The following MYO5C variants were observed in gnomAD, a reference collection of about 807,000 sequenced individuals.
MYO5C encodes the protein myosin VC, also known as unconventional myosin-Vc.
In MYO5C, 194 loss-of-function variants were observed where a neutral mutation model predicts 235.7. That is an observed-to-expected ratio of 0.82 (90% CI 0.73 to 0.93). The LOEUF (loss-of-function observed/expected upper bound fraction) is 0.93. Ranked by LOEUF, MYO5C falls within the 40% of genes least tolerant of loss-of-function variation. The pLI is 0.00. For synonymous variants in MYO5C, 707 were observed against 754.8 expected, an observed-to-expected ratio of 0.94 and a Z score of 1.04; for missense variants, 2,038 against 2,127.2, an observed-to-expected ratio of 0.96 and a Z score of 0.82.
At chr15:52,196,540 T>A in intron 38 of MYO5C, 57 bp from the exon 39 acceptor site, 1 of 1,541,066 alleles carries the variant, frequency 6.5e-7, no homozygotes, top group South Asian at 1.2e-5. Flanking sequence ...CAGATACTCC[T>A]GTGTGTCCCG....
intron 1 of MYO5C, among the ~76,000 whole-genome samples, chr15:52,286,224 G>GT (rs2037266231): frequency 6.6e-6 from 1 of 151,074 alleles, no homozygotes; most frequent in Non-Finnish European, 1.5e-5. Flanking sequence ...AGGGAGGTGG[G>GT]GGGTCAGCCC....
intron 13 of MYO5C, among the ~76,000 whole-genome samples, 197 bp from the exon 14 acceptor site, chr15:52,248,980 C>T (rs1254393002): frequency 6.6e-6 from 1 of 152,210 alleles, no homozygotes; most frequent in African/African-American, 2.4e-5. Context: ...CTCCCACCAC[C>T]TGGGTTTCTC....
chr15:52,214,967 T>C (rs373011854), intron 32 of MYO5C, among the ~76,000 whole-genome samples: 10 of 152,266 alleles, frequency 6.6e-5, no homozygotes, highest in African/African-American at 1.9e-4. Flanking sequence ...TCATCTACTT[T>C]CTGTCTCTAT....
intron 38 of MYO5C, 103 bp downstream of exon 38, chr15:52,204,762 G>T: frequency 7.3e-7 from 1 of 1,368,626 alleles, no homozygotes; most frequent in Non-Finnish European, 9.8e-7. Context: ...CCTAAACAGG[G>T]GTTTGACGCC....
chr15:52,231,607 C>T (rs939914208), intron 24 of MYO5C, among the ~76,000 whole-genome samples: 5 of 152,186 alleles, frequency 3.3e-5, no homozygotes, highest in Admixed American at 1.3e-4. Context: ...TGGAGCGATT[C>T]TGTGATATTC....
At chr15:52,242,298 T>C in intron 19 of MYO5C, 85 bp from the exon 20 acceptor site, 1 of 1,422,052 alleles carries the variant, frequency 7.0e-7, no homozygotes, top group Non-Finnish European at 9.6e-7. Flanking sequence ...CTAGCATGTG[T>C]TTATAAGGAA....
In MYO5C at chr15:52,213,183, A is replaced by G; in HGVS notation, c.4141+5T>C. On this transcript the variant is annotated splice_donor_5th_base_variant and intron_variant, in intron 34 of 40. Transcript: ENST00000261839. Reference sequence around the variant, plus strand: ...GCAAAAATCCAGAGTTCCAGGTTTCACTACCAAGAATGAGGTTCTGAATGA... The same window carrying G: ...GCAAAAATCCAGAGTTCCAGGTTTCGCTACCAAGAATGAGGTTCTGAATGA... 4 of 1,612,008 alleles carry G rather than the reference A, an allele frequency of 2.5e-6. No homozygotes were observed. The highest frequency in any genetic ancestry group is 3.4e-6 in the Non-Finnish European group (4 of 1,178,040).
At chr15:52,211,599 G>T in intron 35 of MYO5C, 131 bp downstream of exon 35, 2 of 975,832 alleles carry the variant, frequency 2.0e-6, no homozygotes, top group Non-Finnish European at 3.1e-6. Context: ...CCCTTCACTA[G>T]TTGGGCCTCA....
At chr15:52,229,639 A>C (rs796237766) in intron 24 of MYO5C, among the ~76,000 whole-genome samples, 3 of 152,316 alleles carry the variant, frequency 2.0e-5, no homozygotes, top group African/African-American at 7.2e-5. Context: ...CCCCCTAAAA[A>C]AGAAGAAAAT....
chr15:52,286,316 G>C (rs1456182104), intron 1 of MYO5C, among the ~76,000 whole-genome samples: 2 of 141,598 alleles, frequency 1.4e-5, no homozygotes, highest in Non-Finnish European at 3.1e-5. Context: ...GGAGGGAGGT[G>C]GGGGGGGTCA....
intron 29 of MYO5C, among the ~76,000 whole-genome samples, chr15:52,222,918 G>A (rs2035727790): frequency 6.6e-6 from 1 of 152,288 alleles, no homozygotes; most frequent in Admixed American, 6.5e-5. Flanking sequence ...TTGGGAGGCT[G>A]AGGCAGGCGG....
chr15:52,253,206 C>G, intron 12 of MYO5C, 111 bp downstream of exon 12: 1 of 1,090,482 alleles, frequency 9.2e-7, no homozygotes. Flanking sequence ...TCCATCCAAC[C>G]AACTGGATAA....
chr15:52,285,746 C>T (rs1481057962), intron 1 of MYO5C, among the ~76,000 whole-genome samples: 4 of 152,258 alleles, frequency 2.6e-5, no homozygotes, highest in African/African-American at 9.6e-5. Context: ...GCTGGGATTG[C>T]AGACGGAGTG....
chr15:52,242,357 T>C, intron 19 of MYO5C, 144 bp from the exon 20 acceptor site: 2 of 863,580 alleles, frequency 2.3e-6, no homozygotes, highest in Non-Finnish European at 3.6e-6. Flanking sequence ...GGGCAGTTTA[T>C]TCTAATGCCT....
chr15:52,277,221 C>T (rs760889322), intron 4 of MYO5C: 9 of 530,476 alleles, frequency 1.7e-5, no homozygotes, highest in Non-Finnish European at 3.1e-5. Flanking sequence ...ACAAGGCCAA[C>T]ACGAGCCTGC....
chr15:52,246,824 G>C, intron 16 of MYO5C, 93 bp downstream of exon 16: 1 of 976,636 alleles, frequency 1.0e-6, no homozygotes, highest in Non-Finnish European at 1.6e-6. Context: ...CCAGAAACAG[G>C]GTAATCTCAA....
intron 11 of MYO5C, among the ~76,000 whole-genome samples, chr15:52,256,185 C>T (rs1300560025): frequency 6.6e-6 from 1 of 152,050 alleles, no homozygotes; most frequent in Non-Finnish European, 1.5e-5. Flanking sequence ...AGGAAGAGGC[C>T]AGGAGGTATC....
intron 8 of MYO5C, among the ~76,000 whole-genome samples, chr15:52,267,375 G>A (rs192205221): frequency 3.7e-4 from 56 of 152,274 alleles, no homozygotes; most frequent in Admixed American, 9.8e-4. Context: ...AAGGTGCGTT[G>A]CCACTCACAG....
intron 1 of MYO5C, among the ~76,000 whole-genome samples, chr15:52,290,052 C>T (rs958856286): frequency 3.3e-5 from 5 of 152,162 alleles, no homozygotes; most frequent in Admixed American, 6.5e-5. Context: ...TGCCACTTGC[C>T]ATCTAGCAGA....
Sources: gnomAD v4.1 joint callset for allele counts (sites outside exome capture counted in the v4.1 genomes callset) on GRCh38, gnomAD v4.1.1 for gene constraint, MANE v1.5 for transcripts, NCBI Gene and HGNC (gene_info 2026-07-23, HGNC 2026-07-21) for gene names.